Variants in ATG5 observed in about 807,000 individuals in gnomAD.
ATG5 encodes autophagy related 5, also known as autophagy protein 5.
ATG5 carries 14 observed loss-of-function variants against 36.5 expected under a neutral mutation model. The ratio of observed to expected loss-of-function variants is 0.38; its 90% CI spans 0.25 to 0.60. ATG5 has a LOEUF of 0.60. ATG5 is among the 20% of genes least tolerant of loss of function. The pLI is 0.60. For synonymous variants in ATG5, 95 were observed against 101.5 expected (o/e 0.94, Z 0.38); for missense variants, 195 against 326.7 (o/e 0.60, Z 3.11).
At chr6:106,210,609 G>T (rs1037943115) in intron 6 of ATG5, among the ~76,000 whole-genome samples, 25 of 152,186 alleles carry the variant, frequency 1.6e-4, no homozygotes, top group African/African-American at 5.8e-4. Flanking sequence ...AAGCCAGTCA[G>T]AAGACACATA....
chr6:106,200,248 A>T (rs940163741), intron 7 of ATG5, among the ~76,000 whole-genome samples: 2 of 152,176 alleles, frequency 1.3e-5, no homozygotes, highest in African/African-American at 2.4e-5. Flanking sequence ...ACTGTTCCTA[A>T]TTCTACTACT....
intron 6 of ATG5, among the ~76,000 whole-genome samples, chr6:106,225,191 A>C (rs1376680554): frequency 1.3e-5 from 2 of 152,266 alleles, no homozygotes; most frequent in Non-Finnish European, 2.9e-5. Context: ...CAGAGATGTA[A>C]GGTGAACGAG....
chr6:106,229,414 C>G (rs1008416793), intron 6 of ATG5, among the ~76,000 whole-genome samples: 19 of 149,068 alleles, frequency 1.3e-4, no homozygotes, highest in Non-Finnish European at 1.6e-4. Flanking sequence ...CAGACAGAGA[C>G]AGAGAGAGAG....
chr6:106,233,773 C>T (rs146398144), intron 6 of ATG5, among the ~76,000 whole-genome samples: 42 of 152,086 alleles, frequency 2.8e-4, no homozygotes, highest in African/African-American at 8.9e-4. Context: ...TCCCCATGGC[C>T]CTCCCTTATC....
chr6:106,208,410 G>C (rs1776722248), intron 6 of ATG5, among the ~76,000 whole-genome samples: 1 of 152,138 alleles, frequency 6.6e-6, no homozygotes, highest in Admixed American at 6.5e-5. Flanking sequence ...GTAATGCATA[G>C]TCTAATTTAA....
At chr6:106,200,604 A>G (rs746680679) in intron 7 of ATG5, among the ~76,000 whole-genome samples, 19 of 151,816 alleles carry the variant, frequency 1.3e-4, no homozygotes, top group Non-Finnish European at 2.2e-4. Context: ...CCTCCCAAGT[A>G]GCTGGAACTA....
chr6:106,228,732 T>G (rs1021628391), intron 6 of ATG5, among the ~76,000 whole-genome samples: 1 of 152,128 alleles, frequency 6.6e-6, no homozygotes, highest in Non-Finnish European at 1.5e-5. Context: ...CTCTGGCCTA[T>G]CCCTTAGAAT....
chr6:106,258,935 T>A (rs1429492433), intron 5 of ATG5, among the ~76,000 whole-genome samples: 1 of 152,232 alleles, frequency 6.6e-6, no homozygotes, highest in Admixed American at 6.5e-5. Flanking sequence ...AAATAAATAT[T>A]ACTTGTTTCA....
intron 6 of ATG5, among the ~76,000 whole-genome samples, chr6:106,207,531 T>TC (rs201910186): frequency 0.021 from 3,122 of 149,582 alleles, 97 homozygotes; most frequent in African/African-American, 0.073. Flanking sequence ...AGAGACCTCA[T>TC]CTCTTAAAAA....
At chr6:106,272,331 G>C (rs1444165852) in intron 5 of ATG5, among the ~76,000 whole-genome samples, 1 of 152,142 alleles carries the variant, frequency 6.6e-6, no homozygotes, top group African/African-American at 2.4e-5. Context: ...CCCACTCTCT[G>C]TTCCTCCTGC....
At chr6:106,262,106 T>TG (rs1779042788) in intron 5 of ATG5, among the ~76,000 whole-genome samples, 1 of 152,208 alleles carries the variant, frequency 6.6e-6, no homozygotes, top group Non-Finnish European at 1.5e-5. Flanking sequence ...AGAGTCTCGC[T>TG]CTGTCACCCA....
intron 6 of ATG5, among the ~76,000 whole-genome samples, chr6:106,241,139 C>T (rs776047549): frequency 1.3e-5 from 2 of 152,276 alleles, no homozygotes; most frequent in African/African-American, 4.8e-5. Context: ...GGTGACAGAA[C>T]GAGACTCTGT....
chr6:106,187,798 T>C (rs1775829354), intron 7 of ATG5, among the ~76,000 whole-genome samples: 1 of 152,164 alleles, frequency 6.6e-6, no homozygotes, highest in African/African-American at 2.4e-5. Flanking sequence ...GAGACCCTTT[T>C]AAAGAAATAT....
At chr6:106,224,893 C>CAAAAA (rs1554215822) in intron 6 of ATG5, among the ~76,000 whole-genome samples, 2 of 152,014 alleles carry the variant, frequency 1.3e-5, no homozygotes, top group African/African-American at 4.8e-5. Context: ...AAAAAACAAA[C>CAAAAA]AAACAAAACA....
At chr6:106,276,281 G>T (rs1165217862) in intron 5 of ATG5, among the ~76,000 whole-genome samples, 5 of 152,044 alleles carry the variant, frequency 3.3e-5, no homozygotes, top group African/African-American at 1.2e-4. Context: ...TGGCTAACAT[G>T]GTGAAACCCC....
chr6:106,186,192 C>G lies in ATG5; in HGVS notation c.*348G>C, dbSNP rs1441090025. On this transcript the variant is annotated 3_prime_UTR_variant, in exon 8 of 8. Transcript: ENST00000369076. ...AACCATGGTCACCTTAGGAAATACC[C>G]CTGTTTATTTGTTAATCAGAAATAC... 5.1e-6 allele frequency: 1 copy of G among 196,520 alleles called. No individual in the cohort carries two copies. The highest frequency in any genetic ancestry group is 1.0e-5 in the Non-Finnish European group (1 of 97,246). 12.2% of individuals were successfully genotyped at this position (196,520 alleles called of 1,614,324 possible). A position where few individuals can be genotyped will look rare whatever the true frequency, so the allele number is the denominator to read the frequency against.
At chr6:106,311,167 G>T (rs547807153) in intron 2 of ATG5, among the ~76,000 whole-genome samples, 11 of 152,236 alleles carry the variant, frequency 7.2e-5, no homozygotes, top group Non-Finnish European at 1.6e-4. Flanking sequence ...CTAGAATTCT[G>T]TTCCACTCCA....
intron 5 of ATG5, among the ~76,000 whole-genome samples, chr6:106,256,337 T>A (rs2114537346): frequency 6.6e-6 from 1 of 152,300 alleles, no homozygotes; most frequent in East Asian, 1.9e-4. Flanking sequence ...TTCTTAACTT[T>A]TGCTTCTCAC....
intron 4 of ATG5, among the ~76,000 whole-genome samples, chr6:106,280,751 C>T (rs1257900796): frequency 1.3e-5 from 2 of 151,996 alleles, no homozygotes; most frequent in Admixed American, 6.6e-5. Context: ...ATTATTATTG[C>T]TATTTTACAG....
Sources: gnomAD v4.1 joint callset for allele counts (sites outside exome capture counted in the v4.1 genomes callset) on GRCh38, gnomAD v4.1.1 for gene constraint, MANE v1.5 for transcripts, NCBI Gene and HGNC (gene_info 2026-07-23, HGNC 2026-07-21) for gene names.